Variants in AGBL4 observed in about 807,000 individuals in gnomAD.
The protein encoded by AGBL4 is cytosolic carboxypeptidase 6.
A neutral mutation model predicts 66.4 loss-of-function variants in AGBL4; 58 were observed. The observed-to-expected ratio is 0.87, with a 90% CI of 0.71 to 1.09. AGBL4 has a LOEUF of 1.09. Among genes scored for constraint, AGBL4 ranks in the 50% least tolerant of loss-of-function variants. The pLI, the probability that AGBL4 is intolerant of heterozygous loss-of-function variation, is 0.00. For synonymous variants in AGBL4, 234 were observed against 222.9 expected, an observed-to-expected ratio of 1.05 and a Z score of -0.44; for missense variants, 579 against 631.0, an observed-to-expected ratio of 0.92 and a Z score of 0.88.
intron 6 of AGBL4, among the ~76,000 whole-genome samples, chr1:48,681,459 G>A (rs1411370323): frequency 6.6e-6 from 1 of 152,176 alleles, no homozygotes; most frequent in Non-Finnish European, 1.5e-5. Flanking sequence ...GCCCATCAGG[G>A]AGGATTACTG....
chr1:49,457,989 A>T (rs1646428259), intron 3 of AGBL4, among the ~76,000 whole-genome samples: 1 of 151,876 alleles, frequency 6.6e-6, no homozygotes, highest in South Asian at 2.1e-4. Flanking sequence ...GAAGTCAGGT[A>T]AAGTGATGCC....
intron 1 of AGBL4, chr1:49,994,219 G>A (rs1027385711): frequency 1.3e-4 from 20 of 151,820 alleles, no homozygotes; most frequent in African/African-American, 4.6e-4. Context: ...GAAGGGCGAG[G>A]GGGCCTAAAT....
chr1:49,050,613 C>T (rs1571326920), intron 4 of AGBL4, among the ~76,000 whole-genome samples: 1 of 134,652 alleles, frequency 7.4e-6, no homozygotes, highest in Non-Finnish European at 1.5e-5. Flanking sequence ...TTTTTAAATG[C>T]TATTCCTTGC....
chr1:48,742,223 T>C (rs1650023886), intron 6 of AGBL4, among the ~76,000 whole-genome samples: 4 of 152,206 alleles, frequency 2.6e-5, no homozygotes, highest in Admixed American at 2.6e-4. Context: ...CAAACTGAGT[T>C]GTTATCTGTA....
chr1:49,194,261 A>G (rs1434707041), intron 4 of AGBL4, among the ~76,000 whole-genome samples: 1 of 124,796 alleles, frequency 8.0e-6, no homozygotes, highest in Non-Finnish European at 1.7e-5. Context: ...TTATCATTAT[A>G]TACTGACCTT....
chr1:48,956,069 C>G (rs988586672), intron 5 of AGBL4, among the ~76,000 whole-genome samples: 2 of 152,238 alleles, frequency 1.3e-5, no homozygotes, highest in Non-Finnish European at 2.9e-5. Flanking sequence ...GCATTAGGCC[C>G]TGTTGCATTT....
intron 4 of AGBL4, among the ~76,000 whole-genome samples, chr1:49,205,752 T>G (rs1648083183): frequency 6.6e-6 from 1 of 152,156 alleles, no homozygotes; most frequent in African/African-American, 2.4e-5. Context: ...CTGAAATATC[T>G]GTTGCATAAT....
At chr1:49,891,429 A>G (rs1395723622) in intron 1 of AGBL4, among the ~76,000 whole-genome samples, 1 of 152,188 alleles carries the variant, frequency 6.6e-6, no homozygotes, top group Non-Finnish European at 1.5e-5. Context: ...TTCATTTGTC[A>G]CAACTGTAGG....
chr1:48,752,365 G>A (rs1370971420), intron 6 of AGBL4, among the ~76,000 whole-genome samples: 1 of 152,208 alleles, frequency 6.6e-6, no homozygotes, highest in Non-Finnish European at 1.5e-5. Flanking sequence ...GTCAAATGGG[G>A]TGGTTGAGAG....
At chr1:49,834,438 T>A (rs1197173565) in intron 2 of AGBL4, among the ~76,000 whole-genome samples, 1 of 152,188 alleles carries the variant, frequency 6.6e-6, no homozygotes, top group Non-Finnish European at 1.5e-5. Context: ...ATCCCCTTTA[T>A]CATTTATTAT....
At chr1:48,926,684 A>G (rs534230389) in intron 5 of AGBL4, among the ~76,000 whole-genome samples, 1 of 152,126 alleles carries the variant, frequency 6.6e-6, no homozygotes, top group Non-Finnish European at 1.5e-5. Context: ...TGTATAATAC[A>G]TTATGATTCT....
At chr1:49,100,094 A>G (rs910801949) in intron 4 of AGBL4, among the ~76,000 whole-genome samples, 2 of 152,158 alleles carry the variant, frequency 1.3e-5, no homozygotes, top group Admixed American at 6.6e-5. Flanking sequence ...AGAGGAAATT[A>G]GCACTCAGGA....
At position 48,784,650 on chromosome 1, in the gene AGBL4, C is replaced by T. The variant is rs145515314; in HGVS notation, c.634+82541G>A. ...ATGTAAAGTGTAGAAGCGTTTACAG[C>T]AATCTGAAGCCTTGTGGATGTGCAC... On this transcript the variant is annotated intron_variant, in intron 6 of 13. Transcript: ENST00000371839. Among the ~76,000 whole-genome samples the T allele has an allele frequency of 2.7e-3, 414 of 152,258 alleles. 6 individuals carry two copies. Among genetic ancestry groups the T allele is most frequent in the Non-Finnish European group, 5.3e-4 (36 of 68,026 alleles).
At chr1:49,819,076 A>C (rs1193475344) in intron 2 of AGBL4, among the ~76,000 whole-genome samples, 2 of 152,138 alleles carry the variant, frequency 1.3e-5, no homozygotes, top group African/African-American at 4.8e-5. Context: ...TTCTTAGGAG[A>C]ATTAGAGATA....
intron 2 of AGBL4, among the ~76,000 whole-genome samples, chr1:49,813,815 G>C (rs1356241496): frequency 6.6e-6 from 1 of 152,110 alleles, no homozygotes; most frequent in Non-Finnish European, 1.5e-5. Flanking sequence ...GAGAGTACTT[G>C]ATATGGTTTG....
intron 4 of AGBL4, among the ~76,000 whole-genome samples, chr1:49,160,653 C>G (rs968962134): frequency 6.6e-6 from 1 of 152,082 alleles, no homozygotes; most frequent in Non-Finnish European, 1.5e-5. Flanking sequence ...TGCCCACAGC[C>G]GCCCCTTCCC....
chr1:48,862,326 C>A (rs1647549932), intron 6 of AGBL4, among the ~76,000 whole-genome samples: 1 of 152,118 alleles, frequency 6.6e-6, no homozygotes, highest in Non-Finnish European at 1.5e-5. Context: ...GATTAAAAGT[C>A]ACTTTAAAAA....
rs12033571 is a variant in AGBL4, at chr1:49,256,800, G to A, written c.283-10936C>T. Among the ~76,000 whole-genome samples, 1,211 of 152,202 alleles carry A rather than the reference G, an allele frequency of 8.0e-3. 9 individuals are homozygous for A. Among genetic ancestry groups the A allele is most frequent in the Middle Eastern group, 0.031 (9 of 294 alleles). Reference sequence around the variant, plus strand: ...TGCTGTGGATTTGTATAGCTAGACCGATGGATCACAACAAAGAGCCTGGGA... The same window carrying A: ...TGCTGTGGATTTGTATAGCTAGACCAATGGATCACAACAAAGAGCCTGGGA... On this transcript the variant is annotated intron_variant, in intron 3 of 13. Transcript: ENST00000371839.
intron 4 of AGBL4, among the ~76,000 whole-genome samples, chr1:49,075,620 G>T (rs778161761): frequency 6.6e-6 from 1 of 152,062 alleles, no homozygotes; most frequent in Non-Finnish European, 1.5e-5. Flanking sequence ...TTCTATAAAA[G>T]CAACTCTATG....
Sources: allele counts gnomAD v4.1 joint callset (sites outside exome capture counted in the v4.1 genomes callset), GRCh38; gene constraint gnomAD v4.1.1; transcripts MANE v1.5; gene names NCBI Gene and HGNC (gene_info 2026-07-23, HGNC 2026-07-21).